Variants in DOCK2 observed in about 807,000 individuals in gnomAD.
DOCK2 encodes the protein dedicator of cytokinesis protein 2.
Under a neutral mutation model 248.9 loss-of-function variants are expected in DOCK2, and 87 were observed. The observed-to-expected ratio is 0.35, with a 90% CI of 0.29 to 0.42. The LOEUF is 0.42. DOCK2 is among the 10% of genes least tolerant of loss of function. The pLI is 1.00. For missense variants in DOCK2, 1,747 were observed against 2,300.2 expected (o/e 0.76, Z 4.92); for synonymous variants, 805 against 821.6 (o/e 0.98, Z 0.35).
chr5:169,971,605 T>C (rs1208350259), intron 27 of DOCK2, among the ~76,000 whole-genome samples: 1 of 152,190 alleles, frequency 6.6e-6, no homozygotes, highest in African/African-American at 2.4e-5. Context: ...CAGAGTGTGA[T>C]GATTCTGCCA....
chr5:170,071,760 TC>T (rs1757689103), intron 46 of DOCK2, among the ~76,000 whole-genome samples: 1 of 152,218 alleles, frequency 6.6e-6, no homozygotes, highest in African/African-American at 2.4e-5. Flanking sequence ...AGTAATCATT[TC>T]CTTGCTTTAA....
chr5:169,840,832 G>A lies in DOCK2; in HGVS notation c.2779G>A (p.Gly927Ser). ...RTVNRTVITMGRDHILISHFV... is the reference protein window; with the variant it reads ...RTVNRTVITMSRDHILISHFV... ...AGTGAACCGGACAGTCATCACCATG[G>A]GCCGGGATCACATTCTGATTGTGAG... Residue 927 changes from glycine to serine, a missense_variant, in exon 27 of 52, where the codon GGC becomes AGC. Coordinates refer to ENST00000520908, the MANE Select transcript of DOCK2 (RefSeq NM_004946.3). 3 of 1,613,978 alleles carry A rather than the reference G, an allele frequency of 1.9e-6. No individual in the cohort carries two copies. Among genetic ancestry groups the A allele is most frequent in the Non-Finnish European group, 2.5e-6 (3 of 1,179,964 alleles).
chr5:169,759,008 A>G (rs1675534566), intron 23 of DOCK2, among the ~76,000 whole-genome samples: 1 of 152,216 alleles, frequency 6.6e-6, no homozygotes, highest in African/African-American at 2.4e-5. Flanking sequence ...AGTTCTTTCT[A>G]CTGAAACTGT....
intron 27 of DOCK2, among the ~76,000 whole-genome samples, chr5:169,857,910 T>C (rs1220027002): frequency 5.3e-5 from 8 of 152,178 alleles, no homozygotes; most frequent in Non-Finnish European, 1.0e-4. Flanking sequence ...GTTGGTTTTA[T>C]ATTTGATAAG....
chr5:169,800,966 T>TTTTTTTTTTTTTTTTTTTTTG (rs1561708787), intron 25 of DOCK2, among the ~76,000 whole-genome samples: 2 of 107,948 alleles, frequency 1.9e-5, no homozygotes, highest in African/African-American at 7.1e-5. Context: ...TTTTTTTTTT[T>TTTTTTTTTTTTTTTTTTTTTG]TTTTTTTGAG....
intron 13 of DOCK2, among the ~76,000 whole-genome samples, chr5:169,701,058 C>G (rs1316438666): frequency 6.6e-6 from 1 of 152,170 alleles, no homozygotes; most frequent in African/African-American, 2.4e-5. Flanking sequence ...CAATCAGTCA[C>G]TTTTCTATTT....
rs1760827193 is a variant in DOCK2, at chr5:169,699,427, C to T, written c.1101C>T (p.Val367=). ...NDFLHSLLGK[V]IASKGDSGGQ... Reference sequence around the variant, plus strand: ...TCCTACACAGCCTGCTGGGCAAAGTCATAGCCTCCAAGGGGGACAGTGGAG... The same window carrying T: ...TCCTACACAGCCTGCTGGGCAAAGTTATAGCCTCCAAGGGGGACAGTGGAG... The change falls in exon 12 of 52, where the codon GTC becomes GTT. Residue 367 remains valine (V), a synonymous_variant. Coordinates refer to ENST00000520908, the MANE Select transcript of DOCK2 (RefSeq NM_004946.3). 6.2e-7 allele frequency: 1 copy of T among 1,613,488 alleles called. No homozygotes were observed. Among genetic ancestry groups the T allele is most frequent in the Non-Finnish European group, 8.5e-7 (1 of 1,179,604 alleles).
chr5:169,982,068 C>CTTTT (rs59193932), intron 27 of DOCK2, among the ~76,000 whole-genome samples: 1 of 126,328 alleles, frequency 7.9e-6, no homozygotes, highest in Middle Eastern at 4.4e-3. Flanking sequence ...GGTAAAAATG[C>CTTTT]TTTTTTTTTT....
Position 169,961,978 on chromosome 5 carries a change from C to CAAAA in DOCK2, c.2800-21076_2800-21073dup, listed in dbSNP as rs70979150. On this transcript the variant is annotated intron_variant, in intron 27 of 51. Transcript: ENST00000520908. ...TGGGTGAAAAAGTGAGACTCTGTCC[C>CAAAA]AAAAAAAAAAAAAAAAATGGAGAAA... is the stretch of plus-strand genomic sequence containing the variant. Among the ~76,000 whole-genome samples, 217 of 74,638 alleles carry CAAAA rather than the reference C, an allele frequency of 2.9e-3. 50 individuals are homozygous for CAAAA. Among genetic ancestry groups the CAAAA allele is most frequent in the African/African-American group, 0.012 (177 of 14,778 alleles). The allele number at this position is 74,638 out of a possible 152,430, so 49.0% of individuals were successfully genotyped here. A position where few individuals can be genotyped will look rare whatever the true frequency, so the allele number is the denominator to read the frequency against.
chr5:169,793,521 T>A (rs898920750), intron 25 of DOCK2, among the ~76,000 whole-genome samples: 1 of 152,190 alleles, frequency 6.6e-6, no homozygotes, highest in Non-Finnish European at 1.5e-5. Flanking sequence ...ATAGGTATAA[T>A]GATATACTTC....
chr5:169,734,807 G>T (rs992680007), intron 22 of DOCK2, among the ~76,000 whole-genome samples: 2 of 152,154 alleles, frequency 1.3e-5, no homozygotes, highest in Non-Finnish European at 2.9e-5. Context: ...CTTTATATGA[G>T]GGTCTCCAAT....
At chr5:169,856,298 A>ACC (rs1205063927) in intron 27 of DOCK2, among the ~76,000 whole-genome samples, 1 of 152,204 alleles carries the variant, frequency 6.6e-6, no homozygotes, top group Non-Finnish European at 1.5e-5. Context: ...GAAGCTGCCC[A>ACC]CCAGCCCCTG....
intron 27 of DOCK2, among the ~76,000 whole-genome samples, chr5:169,891,735 A>T (rs895960385): frequency 1.3e-5 from 2 of 152,162 alleles, no homozygotes; most frequent in Admixed American, 6.5e-5. Context: ...CCATAATCCC[A>T]GCACTTTGGG....
intron 8 of DOCK2, among the ~76,000 whole-genome samples, chr5:169,686,575 A>G (rs1759996744): frequency 6.6e-6 from 1 of 152,220 alleles, no homozygotes; most frequent in Non-Finnish European, 1.5e-5. Flanking sequence ...GAAGGAGGGC[A>G]GGGGAATCTG....
At chr5:169,901,405 G>T (rs1359256522) in intron 27 of DOCK2, among the ~76,000 whole-genome samples, 1 of 152,158 alleles carries the variant, frequency 6.6e-6, no homozygotes, top group African/African-American at 2.4e-5. Flanking sequence ...ATGACTTCAA[G>T]AGGTTTACGA....
At chr5:169,790,564 A>G (rs1335685381) in intron 25 of DOCK2, among the ~76,000 whole-genome samples, 2 of 152,220 alleles carry the variant, frequency 1.3e-5, no homozygotes, top group Non-Finnish European at 2.9e-5. Context: ...TGATGCAGAT[A>G]ATAGCTTTAA....
chr5:170,082,835 G>A lies in DOCK2; in HGVS notation c.5470G>A (p.Asp1824Asn). ...GGCTGAAGAAGGCAAACAGATCCCA[G>A]ACTCGCTGTCCACGGACCTGTGAGC... Reference protein sequence around the residue: ...KSAEEGKQIPDSLSTDL With the variant: ...KSAEEGKQIPNSLSTDL Residue 1824 changes from aspartate (D) to asparagine (N), a missense_variant, in exon 52 of 52, where the codon GAC becomes AAC. Coordinates refer to ENST00000520908, the MANE Select transcript of DOCK2 (RefSeq NM_004946.3). The A allele has an allele frequency of 6.2e-7, 1 of 1,614,228 alleles. No individual in the cohort carries two copies. The highest frequency in any genetic ancestry group is 8.5e-7 in the Non-Finnish European group (1 of 1,180,046).
At chr5:170,006,097 A>C (rs1444651268) in intron 30 of DOCK2, among the ~76,000 whole-genome samples, 1 of 152,240 alleles carries the variant, frequency 6.6e-6, no homozygotes, top group African/African-American at 2.4e-5. Context: ...GGACATAAGC[A>C]GACCAAAGCT....
intron 27 of DOCK2, among the ~76,000 whole-genome samples, chr5:169,947,019 C>T (rs936831995): frequency 2.6e-5 from 4 of 152,184 alleles, no homozygotes; most frequent in Admixed American, 6.5e-5. Context: ...TATACCCATG[C>T]TGGAGTGAGT....
Sources: gnomAD v4.1 joint callset for allele counts (sites outside exome capture counted in the v4.1 genomes callset) on GRCh38, gnomAD v4.1.1 for gene constraint, MANE v1.5 for transcripts, NCBI Gene and HGNC (gene_info 2026-07-23, HGNC 2026-07-21) for gene names.